Variants in ISM1 observed in about 807,000 individuals in gnomAD.
ISM1 encodes isthmin-1.
ISM1 carries 25 observed loss-of-function variants against 46.3 expected under a neutral mutation model. The ratio of observed to expected loss-of-function variants is 0.54; its 90% CI spans 0.39 to 0.75. The LOEUF is 0.75. Among genes scored for constraint, ISM1 ranks in the 30% least tolerant of loss-of-function variants. The pLI is 0.00. For missense variants in ISM1, 536 were observed against 625.4 expected, an observed-to-expected ratio of 0.86 and a Z score of 1.52; for synonymous variants, 255 against 256.7, an observed-to-expected ratio of 0.99 and a Z score of 0.06.
chr20:13,310,560 A>C, the ISM1 span, among the ~76,000 whole-genome samples: 2 of 152,238 alleles, frequency 1.3e-5, no homozygotes, highest in Admixed American at 6.5e-5. Flanking sequence ...AAAAGCAAAA[A>C]TAGGCAAACG....
At chr20:13,234,124 C>G (rs1005701583) in intron 1 of ISM1, among the ~76,000 whole-genome samples, 2 of 152,132 alleles carry the variant, frequency 1.3e-5, no homozygotes, top group Non-Finnish European at 2.9e-5. Context: ...CCCTCCACCT[C>G]CCACCTTTTG....
At chr20:13,316,083 T>C in the ISM1 span, among the ~76,000 whole-genome samples, 1 of 151,944 alleles carries the variant, frequency 6.6e-6, no homozygotes, top group Non-Finnish European at 1.5e-5. Context: ...AGGGTACAAA[T>C]TACTAATATC....
chr20:13,242,779 C>A (rs555461436), intron 1 of ISM1, among the ~76,000 whole-genome samples: 123 of 152,232 alleles, frequency 8.1e-4, no homozygotes, highest in African/African-American at 2.9e-3. Flanking sequence ...AGGTTGGCAG[C>A]CATAGCTTAA....
intron 1 of ISM1, among the ~76,000 whole-genome samples, chr20:13,224,224 G>T (rs984086103): frequency 6.6e-6 from 1 of 152,130 alleles, no homozygotes; most frequent in Non-Finnish European, 1.5e-5. Flanking sequence ...TAGCAGTTTA[G>T]TTCATAATTT....
the ISM1 span, among the ~76,000 whole-genome samples, chr20:13,309,770 T>C: frequency 4.1e-4 from 63 of 151,862 alleles, no homozygotes; most frequent in Non-Finnish European, 6.9e-4. Flanking sequence ...AAAATTAACA[T>C]AAAAAAATCA....
At chr20:13,323,126 A>T in the ISM1 span, among the ~76,000 whole-genome samples, 1 of 152,158 alleles carries the variant, frequency 6.6e-6, no homozygotes, top group Non-Finnish European at 1.5e-5. Flanking sequence ...ATCAGACCAC[A>T]ACATGGAATA....
the ISM1 span, among the ~76,000 whole-genome samples, chr20:13,317,601 T>C: frequency 6.6e-6 from 1 of 151,944 alleles, no homozygotes; most frequent in South Asian, 2.1e-4. Flanking sequence ...GGCAAATAGA[T>C]CAATGGAACA....
At position 13,268,254 on chromosome 20, in the gene ISM1, CCTCTT is replaced by C. The variant is rs569951398; in HGVS notation, c.139-2240_139-2236del. Reference sequence around the variant, plus strand: ...TTCTATTCTTTCTCTTCTCTTCACTCCTCTTCTCTTCTCTCTCGCTCCTTCTCTTT... The same window carrying C: ...TTCTATTCTTTCTCTTCTCTTCACTCCTCTTCTCTCTCGCTCCTTCTCTTT... On this transcript the variant is annotated intron_variant, in intron 1 of 5. Coordinates refer to ENST00000262487, the MANE Select transcript of ISM1 (RefSeq NM_080826.2). Among the ~76,000 whole-genome samples the C allele has an allele frequency of 1.8e-4, 27 of 150,498 alleles. 1 individual carries two copies. The South Asian group carries it at 5.1e-3, about 28-fold the overall frequency.
intron 2 of ISM1, 101 bp downstream of exon 2, chr20:13,270,844 T>C (rs946567070): frequency 1.4e-5 from 15 of 1,108,004 alleles, no homozygotes; most frequent in Non-Finnish European, 2.0e-5. Context: ...CTTTTCTTCT[T>C]AACCCCTTAA....
chr20:13,282,801 C>T (rs576402870), intron 3 of ISM1, among the ~76,000 whole-genome samples: 36 of 152,152 alleles, frequency 2.4e-4, no homozygotes, highest in Non-Finnish European at 3.2e-4. Flanking sequence ...AATGCACCTT[C>T]GATGCAATAG....
chr20:13,225,352 CAA>C (rs2039510972), intron 1 of ISM1, among the ~76,000 whole-genome samples: 5 of 152,242 alleles, frequency 3.3e-5, no homozygotes, highest in African/African-American at 9.6e-5. Flanking sequence ...GTCATACACT[CAA>C]GAGAGAGAAA....
chr20:13,282,155 T>C (rs779743446), intron 3 of ISM1, among the ~76,000 whole-genome samples: 11 of 152,220 alleles, frequency 7.2e-5, no homozygotes, highest in South Asian at 2.1e-4. Context: ...AATTTTTTTT[T>C]CAATCCCGAT....
intron 1 of ISM1, among the ~76,000 whole-genome samples, chr20:13,247,514 A>AGGGG (rs201388699): frequency 1.7e-3 from 221 of 127,404 alleles, no homozygotes; most frequent in African/African-American, 5.7e-3. Context: ...CAGCAAAGTG[A>AGGGG]GGGGTGTGTG....
chr20:13,271,181 A>G (rs976892164), intron 2 of ISM1, among the ~76,000 whole-genome samples: 12 of 152,248 alleles, frequency 7.9e-5, no homozygotes, highest in African/African-American at 2.9e-4. Context: ...AGCACTCAGG[A>G]AAGCTGTTTC....
At chr20:13,314,094 A>C in the ISM1 span, among the ~76,000 whole-genome samples, 1 of 152,204 alleles carries the variant, frequency 6.6e-6, no homozygotes, top group African/African-American at 2.4e-5. Context: ...AGCAAAGAGA[A>C]AAAAAGACTG....
At chr20:13,279,507 T>G in intron 2 of ISM1, 127 bp from the exon 3 acceptor site, 1 of 911,878 alleles carries the variant, frequency 1.1e-6, no homozygotes, top group Admixed American at 2.7e-5. Flanking sequence ...CGCCATGCAA[T>G]CTCAGCTTTC....
intron 1 of ISM1, among the ~76,000 whole-genome samples, chr20:13,260,882 G>A (rs1316556179): frequency 6.6e-6 from 1 of 152,188 alleles, no homozygotes; most frequent in Non-Finnish European, 1.5e-5. Flanking sequence ...AGCCTGGGGA[G>A]GCTCAGCCAG....
chr20:13,319,739 C>A, the ISM1 span, among the ~76,000 whole-genome samples: 5 of 152,208 alleles, frequency 3.3e-5, no homozygotes, highest in African/African-American at 4.8e-5. Context: ...CCCCCTCCCC[C>A]CTGCACACAC....
Position 13,270,671 on chromosome 20 carries a change from C to CT in ISM1, c.309dup (p.Leu104SerfsTer3), listed in dbSNP as rs2040103522. On this transcript the variant is annotated frameshift_variant, in exon 2 of 6. Transcript: ENST00000262487. LOFTEE classifies it high-confidence loss of function. The stretch of plus-strand genomic sequence containing the variant: ...CATTGCAAAGAGATTTCCCCAGATC[C>CT]TTTCTCCTTGATCTACCAAACTTTC... 2 of 1,613,824 alleles carry CT rather than the reference C, an allele frequency of 1.2e-6. No individual in the cohort carries two copies. The highest frequency in any genetic ancestry group is 3.3e-5 in the Admixed American group (2 of 60,010).
Sources: allele counts gnomAD v4.1 joint callset (sites outside exome capture counted in the v4.1 genomes callset), GRCh38; gene constraint gnomAD v4.1.1; transcripts MANE v1.5; gene names NCBI Gene and HGNC (gene_info 2026-07-23, HGNC 2026-07-21).